The following SEPTIN7 variants were observed in gnomAD, a reference collection of about 807,000 sequenced individuals.
SEPTIN7 encodes the protein septin-7.
In SEPTIN7, 10 loss-of-function variants were observed where a neutral mutation model predicts 63.3. That is an observed-to-expected ratio of 0.16 (90% confidence interval 0.10 to 0.27). The LOEUF (loss-of-function observed/expected upper bound fraction) is 0.27. SEPTIN7 is among the 10% of genes least tolerant of loss of function. The pLI, the probability that SEPTIN7 is intolerant of heterozygous loss-of-function variation, is 1.00. For synonymous variants in SEPTIN7, 131 were observed against 165.3 expected, an observed-to-expected ratio of 0.79 and a Z score of 1.59; for missense variants, 310 against 521.0, an observed-to-expected ratio of 0.59 and a Z score of 3.94.
At chr7:35,809,291 C>T (rs550593356) in intron 1 of SEPTIN7, among the ~76,000 whole-genome samples, 8 of 152,258 alleles carry the variant, frequency 5.3e-5, no homozygotes, top group Non-Finnish European at 1.2e-4. Flanking sequence ...TGGCAAATAA[C>T]AGAACTTCTA....
At chr7:35,851,054 G>A (rs914183641) in intron 3 of SEPTIN7, among the ~76,000 whole-genome samples, 1 of 152,042 alleles carries the variant, frequency 6.6e-6, no homozygotes, top group African/African-American at 2.4e-5. Flanking sequence ...AAATATTATT[G>A]TGACTTTCTT....
intron 9 of SEPTIN7, among the ~76,000 whole-genome samples, 192 bp downstream of exon 9, chr7:35,884,179 C>A (rs886465169): frequency 6.6e-6 from 1 of 152,052 alleles, no homozygotes; most frequent in Non-Finnish European, 1.5e-5. Context: ...CTGTATCCTA[C>A]CAAGTCAGGC....
At chr7:35,832,550 G>A (rs1783884868) in intron 2 of SEPTIN7, 2 of 327,732 alleles carry the variant, frequency 6.1e-6, no homozygotes, top group South Asian at 3.1e-5. Flanking sequence ...CTCTGAGGCA[G>A]GTTTTCTAAA....
At chr7:35,873,824 G>T in intron 6 of SEPTIN7, 49 bp downstream of exon 6, 1 of 1,569,252 alleles carries the variant, frequency 6.4e-7, no homozygotes, top group Non-Finnish European at 8.7e-7. Flanking sequence ...GTTGCTTACT[G>T]TTACCTTTAT....
intron 13 of SEPTIN7, among the ~76,000 whole-genome samples, chr7:35,903,850 C>T (rs1301306017): frequency 1.3e-5 from 2 of 152,140 alleles, no homozygotes; most frequent in Non-Finnish European, 2.9e-5. Flanking sequence ...CTACTGTTAA[C>T]ATTTTCCCCA....
At chr7:35,912,610 G>C in the SEPTIN7 span, among the ~76,000 whole-genome samples, 4 of 152,144 alleles carry the variant, frequency 2.6e-5, no homozygotes, top group African/African-American at 9.7e-5. Context: ...GAGTCTCCCC[G>C]ACTGAGCTGG....
chr7:35,898,082 C>T (rs1334553187), intron 11 of SEPTIN7, 166 bp from the exon 12 acceptor site: 5 of 482,894 alleles, frequency 1.0e-5, no homozygotes, highest in Non-Finnish European at 1.7e-5. Context: ...AGATTTTTTT[C>T]ATAAATAATC....
At chr7:35,849,908 T>G (rs1000848212) in intron 3 of SEPTIN7, among the ~76,000 whole-genome samples, 1 of 152,250 alleles carries the variant, frequency 6.6e-6, no homozygotes, top group Non-Finnish European at 1.5e-5. Context: ...TGTTGAAGCC[T>G]GCTTTATTAG....
chr7:35,862,926 A>G (rs1785590424), intron 3 of SEPTIN7, among the ~76,000 whole-genome samples: 2 of 152,146 alleles, frequency 1.3e-5, no homozygotes, highest in Non-Finnish European at 2.9e-5. Flanking sequence ...ATCAGAGTAC[A>G]AATCATGCCC....
intron 3 of SEPTIN7, among the ~76,000 whole-genome samples, chr7:35,856,922 C>T (rs1785242377): frequency 6.6e-6 from 1 of 152,136 alleles, no homozygotes; most frequent in Non-Finnish European, 1.5e-5. Context: ...TAATTAAGGT[C>T]TCTTTGATTT....
Position 35,890,473 on chromosome 7 carries a change from TA to T in SEPTIN7, c.873-194del, listed in dbSNP as rs1299576407. 15 of 345,052 alleles carry T rather than the reference TA, an allele frequency of 4.3e-5. No individual in the cohort carries two copies. The East Asian group carries it at 7.5e-4, about 17-fold the overall frequency. The allele number at this position is 345,052 out of a possible 1,614,324, so 21.4% of individuals were successfully genotyped here. A position where few individuals can be genotyped will look rare whatever the true frequency, so the allele number is the denominator to read the frequency against. On this transcript the variant is annotated intron_variant, in intron 10 of 13. Coordinates refer to ENST00000350320, the MANE Select transcript of SEPTIN7 (RefSeq NM_001788.6). ...CTGGAATCTAAATTTGGTGTCAAGT[TA>T]GCTTATTTTTTGTTGGTTTACTTTG...
At chr7:35,809,702 T>C (rs2115688748) in intron 1 of SEPTIN7, among the ~76,000 whole-genome samples, 2 of 152,328 alleles carry the variant, frequency 1.3e-5, no homozygotes, top group South Asian at 4.1e-4. Flanking sequence ...GAAATTATGT[T>C]AGTATCAGGT....
At chr7:35,886,427 C>T (rs1787249798) in intron 10 of SEPTIN7, among the ~76,000 whole-genome samples, 1 of 14,662 alleles carries the variant, frequency 6.8e-5, no homozygotes, top group African/African-American at 7.9e-5. Flanking sequence ...ATTAGAGGAC[C>T]AGGACTGTAA....
At chr7:35,845,254 C>T (rs1784601914) in intron 3 of SEPTIN7, among the ~76,000 whole-genome samples, 2 of 151,286 alleles carry the variant, frequency 1.3e-5, no homozygotes, top group African/African-American at 4.9e-5. Context: ...TGTAAAATAC[C>T]TAGTACATCT....
chr7:35,901,763 G>C (rs1480153777), intron 12 of SEPTIN7: 1 of 152,032 alleles, frequency 6.6e-6, no homozygotes, highest in Non-Finnish European at 1.5e-5. Flanking sequence ...CTCATTCCCA[G>C]AGGTAACTAC....
chr7:35,892,620 A>AT (rs573931254), intron 11 of SEPTIN7, among the ~76,000 whole-genome samples: 37 of 152,138 alleles, frequency 2.4e-4, no homozygotes, highest in Non-Finnish European at 4.6e-4. Context: ...CATGTCTCAA[A>AT]TATAAGGCTT....
At chr7:35,889,059 G>C (rs1787470060) in intron 10 of SEPTIN7, among the ~76,000 whole-genome samples, 1 of 152,156 alleles carries the variant, frequency 6.6e-6, no homozygotes, top group Non-Finnish European at 1.5e-5. Context: ...CAGTTGAAGA[G>C]ATATGATGTC....
chr7:35,822,940 C>T (rs1783301239), intron 1 of SEPTIN7, among the ~76,000 whole-genome samples: 1 of 152,168 alleles, frequency 6.6e-6, no homozygotes, highest in Non-Finnish European at 1.5e-5. Flanking sequence ...CATTCTGGGA[C>T]ATTTTTGGCC....
At chr7:35,896,406 G>C (rs569419229) in intron 11 of SEPTIN7, among the ~76,000 whole-genome samples, 6 of 152,050 alleles carry the variant, frequency 3.9e-5, no homozygotes, top group African/African-American at 1.4e-4. Flanking sequence ...GATTTTTGGG[G>C]TGTTAGGGGA....
Sources: gnomAD v4.1 joint callset for allele counts (sites outside exome capture counted in the v4.1 genomes callset) on GRCh38, gnomAD v4.1.1 for gene constraint, MANE v1.5 for transcripts, NCBI Gene and HGNC (gene_info 2026-07-23, HGNC 2026-07-21) for gene names.